CHMP4C: variants seen among roughly 807,000 people sequenced by gnomAD.
The protein encoded by CHMP4C is charged multivesicular body protein 4C, also known as SNF7 homolog associated with Alix 3.
In CHMP4C, 28 loss-of-function variants were observed where a neutral mutation model predicts 29.0. That is an observed-to-expected ratio of 0.97 (90% CI 0.72 to 1.32). The LOEUF is 1.32. CHMP4C is among the 40% of genes most tolerant of loss of function. CHMP4C has a pLI of 0.00. For missense variants in CHMP4C, 291 were observed against 281.0 expected (o/e 1.04, Z -0.25); for synonymous variants, 106 against 102.4 (o/e 1.04, Z -0.21).
chr8:81,734,615 C>A (rs534566280), intron 1 of CHMP4C, among the ~76,000 whole-genome samples: 2 of 152,272 alleles, frequency 1.3e-5, no homozygotes, highest in South Asian at 4.2e-4. Flanking sequence ...CAAGTGTGAG[C>A]CACCGCACCT....
chr8:81,742,257 C>T (rs1354177562), intron 1 of CHMP4C, among the ~76,000 whole-genome samples: 2 of 152,046 alleles, frequency 1.3e-5, no homozygotes, highest in Non-Finnish European at 2.9e-5. Context: ...CTTAAAATAC[C>T]AACACTGTAA....
chr8:81,753,907 T>C (rs1808940932), intron 2 of CHMP4C, among the ~76,000 whole-genome samples: 1 of 152,038 alleles, frequency 6.6e-6, no homozygotes, highest in Non-Finnish European at 1.5e-5. Context: ...CTTAGTATAG[T>C]TCCTGGCACA....
At chr8:81,747,330 T>C (rs1462601037) in intron 1 of CHMP4C, among the ~76,000 whole-genome samples, 2 of 151,740 alleles carry the variant, frequency 1.3e-5, no homozygotes, top group African/African-American at 2.4e-5. Context: ...AATGGAGAAC[T>C]TAAAAAAGTT....
rs557695657 is a variant in CHMP4C at position 81,733,461 on chromosome 8, C to T, written c.190+645C>T. Among the ~76,000 whole-genome samples the T allele has an allele frequency of 1.5e-4, 23 of 151,576 alleles. No individual in the cohort carries two copies. The South Asian group carries it at 4.4e-3, about 29-fold the overall frequency. The stretch of plus-strand genomic sequence containing the variant: ...ATCTTCAGAAAAGGATATTCTAGTA[C>T]GTTGTGGTCTACCTTGCTCCTCAGC... On this transcript the variant is annotated intron_variant, in intron 1 of 4. Transcript: ENST00000297265.
At chr8:81,748,219 G>C (rs1181337769) in intron 1 of CHMP4C, among the ~76,000 whole-genome samples, 1 of 152,160 alleles carries the variant, frequency 6.6e-6, no homozygotes, top group Non-Finnish European at 1.5e-5. Flanking sequence ...CTGAACAATT[G>C]CTGTTATCCT....
chr8:81,742,490 G>A (rs1299550308), intron 1 of CHMP4C, among the ~76,000 whole-genome samples: 1 of 152,188 alleles, frequency 6.6e-6, no homozygotes, highest in African/African-American at 2.4e-5. Context: ...ATTTAGAGGA[G>A]TAAAATTATG....
At chr8:81,758,427 G>A (rs1808999121) in intron 4 of CHMP4C, 53 bp from the exon 5 acceptor site, 1 of 1,548,382 alleles carries the variant, frequency 6.5e-7, no homozygotes, top group Non-Finnish European at 8.9e-7. Context: ...TGTTTTCTAT[G>A]CTGAAAGTGT....
At chr8:81,733,639 C>A (rs1808647699) in intron 1 of CHMP4C, among the ~76,000 whole-genome samples, 1 of 152,160 alleles carries the variant, frequency 6.6e-6, no homozygotes, top group Admixed American at 6.5e-5. Context: ...GCACCTTGAA[C>A]ACCTGTTCTT....
In CHMP4C at chr8:81,732,741, A is replaced by G; in HGVS notation, c.115A>G (p.Lys39Glu). ...GGAGACTGAGGAGATGCTGGGCAAG[A>G]AACAAGAGTACCTGGAAAATCGAAT... ...LRETEEMLGK[K>E]QEYLENRIQR... Residue 39 changes from lysine (K) to glutamate (E), a missense_variant, in exon 1 of 5, where the codon AAA becomes GAA. Physicochemically the swap from Lys to Glu is moderately conservative, Grantham distance 56. Transcript: ENST00000297265. 1 of 1,609,000 alleles carries G rather than the reference A, an allele frequency of 6.2e-7. No individual in the cohort carries two copies. The highest frequency in any genetic ancestry group is 1.7e-5 in the Admixed American group (1 of 59,224).
At chr8:81,736,439 A>G (rs1294759594) in intron 1 of CHMP4C, among the ~76,000 whole-genome samples, 3 of 152,060 alleles carry the variant, frequency 2.0e-5, no homozygotes, top group Non-Finnish European at 4.4e-5. Flanking sequence ...GACAAGAGCC[A>G]CTGGGCCTGG....
chr8:81,755,917 G>A (rs1345080044), intron 3 of CHMP4C, among the ~76,000 whole-genome samples: 1 of 152,102 alleles, frequency 6.6e-6, no homozygotes, highest in African/African-American at 2.4e-5. Context: ...AAATAAATGT[G>A]GAGTGGCATT....
intron 3 of CHMP4C, among the ~76,000 whole-genome samples, chr8:81,756,154 G>C (rs978782593): frequency 1.3e-5 from 2 of 152,112 alleles, no homozygotes; most frequent in Non-Finnish European, 2.9e-5. Flanking sequence ...AGTAAGACCT[G>C]GTTCCATGGA....
At chr8:81,735,781 T>C (rs1438301195) in intron 1 of CHMP4C, among the ~76,000 whole-genome samples, 2 of 152,118 alleles carry the variant, frequency 1.3e-5, no homozygotes, top group Non-Finnish European at 2.9e-5. Context: ...AACTTTTAAT[T>C]AGCATAATAA....
At chr8:81,738,956 A>G (rs1281472838) in intron 1 of CHMP4C, among the ~76,000 whole-genome samples, 1 of 152,136 alleles carries the variant, frequency 6.6e-6, no homozygotes, top group Non-Finnish European at 1.5e-5. Flanking sequence ...ATAAGCTGTT[A>G]AACTGGAAGG....
chr8:81,756,827 C>G (rs962319992), intron 3 of CHMP4C, among the ~76,000 whole-genome samples: 1 of 152,038 alleles, frequency 6.6e-6, no homozygotes, highest in Non-Finnish European at 1.5e-5. Flanking sequence ...TGGTATTTGT[C>G]CCTGATTGTT....
At chr8:81,754,156 C>T (rs1174458313) in intron 2 of CHMP4C, among the ~76,000 whole-genome samples, 1 of 152,060 alleles carries the variant, frequency 6.6e-6, no homozygotes, top group African/African-American at 2.4e-5. Flanking sequence ...CTGAATAATT[C>T]ATTAACAATC....
chr8:81,757,154 T>A (rs1808982911), intron 3 of CHMP4C, among the ~76,000 whole-genome samples: 1 of 152,168 alleles, frequency 6.6e-6, no homozygotes, highest in African/African-American at 2.4e-5. Flanking sequence ...TCCCCCCACA[T>A]TTGAGTGTAA....
chr8:81,754,220 A>T (rs1220460220), intron 2 of CHMP4C, among the ~76,000 whole-genome samples: 2 of 152,050 alleles, frequency 1.3e-5, no homozygotes, highest in African/African-American at 4.8e-5. Context: ...CAGAGTCAAA[A>T]TTCTCTATTG....
At chr8:81,734,396 T>A (rs1208292024) in intron 1 of CHMP4C, among the ~76,000 whole-genome samples, 3 of 152,204 alleles carry the variant, frequency 2.0e-5, no homozygotes, top group Non-Finnish European at 4.4e-5. Flanking sequence ...AATGGCGCGA[T>A]CTTGGCTCAC....
Sources: gnomAD v4.1 joint callset for allele counts (sites outside exome capture counted in the v4.1 genomes callset) on GRCh38, gnomAD v4.1.1 for gene constraint, MANE v1.5 for transcripts, NCBI Gene and HGNC (gene_info 2026-07-23, HGNC 2026-07-21) for gene names.